DPP10: variants seen among roughly 807,000 people sequenced by gnomAD.
The protein encoded by DPP10 is inactive dipeptidyl peptidase 10.
Under a neutral mutation model 120.9 loss-of-function variants are expected in DPP10, and 33 were observed. That is an observed-to-expected ratio of 0.27 (90% CI 0.21 to 0.37). DPP10 has a LOEUF of 0.37. DPP10 is among the 10% of genes least tolerant of loss of function. The pLI is 1.00. For synonymous variants in DPP10, 337 were observed against 326.1 expected (o/e 1.03, Z -0.36); for missense variants, 816 against 942.8 (o/e 0.87, Z 1.76).
chr2:115,726,195 T>C (rs2092762174), intron 7 of DPP10, among the ~76,000 whole-genome samples: 1 of 152,178 alleles, frequency 6.6e-6, no homozygotes, highest in Admixed American at 6.5e-5. Flanking sequence ...CTCCTACTCC[T>C]AATACATATT....
intron 1 of DPP10, among the ~76,000 whole-genome samples, chr2:115,059,703 A>AAT (rs56146333): frequency 1.3e-5 from 2 of 150,248 alleles, no homozygotes; most frequent in Admixed American, 6.6e-5. Context: ...AAAAAAAAAA[A>AAT]GCAAACGTGG....
At chr2:115,772,018 A>T (rs990162245) in intron 13 of DPP10, among the ~76,000 whole-genome samples, 1 of 151,224 alleles carries the variant, frequency 6.6e-6, no homozygotes, top group African/African-American at 2.4e-5. Context: ...TTCCTCATTT[A>T]CAAGAGCTGT....
At chr2:115,281,185 G>A (rs1206143488) in intron 1 of DPP10, among the ~76,000 whole-genome samples, 1 of 152,140 alleles carries the variant, frequency 6.6e-6, no homozygotes, top group Admixed American at 6.5e-5. Context: ...TTCAATAGAA[G>A]CTAGAAATAG....
intron 11 of DPP10, among the ~76,000 whole-genome samples, chr2:115,761,822 T>C (rs1179816219): frequency 6.6e-6 from 1 of 152,146 alleles, no homozygotes; most frequent in African/African-American, 2.4e-5. Context: ...TGGGTACCTC[T>C]GCATATAGGA....
At chr2:115,324,355 A>T (rs1421883155) in intron 2 of DPP10, among the ~76,000 whole-genome samples, 1 of 152,202 alleles carries the variant, frequency 6.6e-6, no homozygotes, top group Non-Finnish European at 1.5e-5. Flanking sequence ...CGTTTAGCAT[A>T]GCCACCTTCA....
intron 1 of DPP10, among the ~76,000 whole-genome samples, chr2:114,469,421 A>T (rs1679712197): frequency 6.6e-6 from 1 of 152,188 alleles, no homozygotes; most frequent in Non-Finnish European, 1.5e-5. Context: ...GAAAGACAGA[A>T]GTTTTTAAAA....
At chr2:115,421,482 T>G (rs759261609) in intron 3 of DPP10, among the ~76,000 whole-genome samples, 34 of 152,296 alleles carry the variant, frequency 2.2e-4, no homozygotes, top group Admixed American at 1.0e-3. Flanking sequence ...TTTATTTATA[T>G]TAATTTGTAT....
chr2:115,023,224 G>A (rs1332861952), intron 1 of DPP10, among the ~76,000 whole-genome samples: 7 of 152,022 alleles, frequency 4.6e-5, no homozygotes, highest in Non-Finnish European at 1.0e-4. Context: ...CCCACAGAGT[G>A]GGAGAAAATC....
intron 3 of DPP10, among the ~76,000 whole-genome samples, chr2:115,479,797 G>A (rs2075317859): frequency 6.6e-6 from 1 of 152,092 alleles, no homozygotes; most frequent in Non-Finnish European, 1.5e-5. Flanking sequence ...GTGTGCACCA[G>A]TCTGGTAGAG....
intron 1 of DPP10, among the ~76,000 whole-genome samples, chr2:115,067,267 T>C (rs1706933843): frequency 6.6e-6 from 1 of 152,046 alleles, no homozygotes; most frequent in Non-Finnish European, 1.5e-5. Context: ...TTGTTTTTGT[T>C]TTGAGACGGA....
At chr2:115,766,794 G>A (rs1472148902) in intron 12 of DPP10, among the ~76,000 whole-genome samples, 4 of 152,140 alleles carry the variant, frequency 2.6e-5, no homozygotes, top group African/African-American at 9.7e-5. Flanking sequence ...GAAGAAGCAA[G>A]AAAGGGATGG....
chr2:115,052,374 A>G (rs10209684), intron 1 of DPP10, among the ~76,000 whole-genome samples: 148,617 of 152,156 alleles, frequency 0.98, 72,685 homozygotes, highest in Middle Eastern at 1. Flanking sequence ...ATATATTATC[A>G]AGGAAGTAAA....
intron 1 of DPP10, among the ~76,000 whole-genome samples, chr2:114,501,390 G>A (rs2104514498): frequency 2.0e-5 from 3 of 152,234 alleles, no homozygotes; most frequent in Admixed American, 2.0e-4. Flanking sequence ...CCCAGCCTTT[G>A]TGTTTTGATG....
At chr2:114,887,042 C>G (rs1574419040) in intron 1 of DPP10, among the ~76,000 whole-genome samples, 1 of 152,282 alleles carries the variant, frequency 6.6e-6, no homozygotes, top group East Asian at 1.9e-4. Context: ...TTAACTCTCT[C>G]CATCTAATTT....
At chr2:114,926,465 G>C (rs1169597327) in intron 1 of DPP10, among the ~76,000 whole-genome samples, 1 of 152,180 alleles carries the variant, frequency 6.6e-6, no homozygotes, top group Admixed American at 6.5e-5. Context: ...TCAGAAGCTG[G>C]ATCAGATCAC....
Position 114,779,577 on chromosome 2 carries a change from G to A in DPP10, c.60+336739G>A, listed in dbSNP as rs544617751. Among the ~76,000 whole-genome samples, 11 of 152,120 alleles carry A rather than the reference G, an allele frequency of 7.2e-5. 1 individual carries two copies. The South Asian group carries it at 1.5e-3, about 20-fold the overall frequency. On this transcript the variant is annotated intron_variant, in intron 1 of 25. Transcript: ENST00000410059. ...ATGGTCTAAGCTGATATCAGTTTAC[G>A]CTGAGGACTTTTTCATATCCCAACA...
rs192789890 is a variant in DPP10 at position 114,754,437 on chromosome 2, G to A, written c.60+311599G>A. On this transcript the variant is annotated intron_variant, in intron 1 of 25. Coordinates refer to ENST00000410059, the MANE Select transcript of DPP10 (RefSeq NM_020868.6). Reference sequence around the variant, plus strand: ...GCCTTTTATGTATAATGATTCGATTGATTTGAATGTCAGGGCATGTCTCTA... The same window carrying A: ...GCCTTTTATGTATAATGATTCGATTAATTTGAATGTCAGGGCATGTCTCTA... Among the ~76,000 whole-genome samples, 40 of 152,254 alleles carry A rather than the reference G, an allele frequency of 2.6e-4. 1 individual carries two copies. The highest frequency in any genetic ancestry group is 7.8e-4 in the Admixed American group (12 of 15,290).
intron 5 of DPP10, among the ~76,000 whole-genome samples, chr2:115,625,035 A>C (rs1199993382): frequency 6.6e-6 from 1 of 151,556 alleles, no homozygotes; most frequent in Non-Finnish European, 1.5e-5. Flanking sequence ...AGAATTTTAT[A>C]AATATATAAA....
intron 1 of DPP10, among the ~76,000 whole-genome samples, chr2:115,032,729 A>T (rs1287968758): frequency 6.6e-6 from 1 of 151,792 alleles, no homozygotes. Context: ...GAAAAAAAAA[A>T]CAAAAATTAG....
Sources: allele counts gnomAD v4.1 joint callset (sites outside exome capture counted in the v4.1 genomes callset), GRCh38; gene constraint gnomAD v4.1.1; transcripts MANE v1.5; gene names NCBI Gene and HGNC (gene_info 2026-07-23, HGNC 2026-07-21).